Variants in NCBP2L observed in about 807,000 individuals in gnomAD.
NCBP2L encodes the protein nuclear cap binding protein subunit 2 like.
For synonymous variants in NCBP2L, 39 were observed against 19.2 expected, an observed-to-expected ratio of 2.04 and a Z score of -2.70; for missense variants, 95 against 53.1, an observed-to-expected ratio of 1.79 and a Z score of -2.45.
In NCBP2L at chrX:107,794,710, T is replaced by C. The variant is rs772994239; in HGVS notation, c.*28T>C. ...CAATCCATAGAGAAAAAGTTTTAAC[T>C]CTAACCCCTTGAAAAGTGTGTTATA... On this transcript the variant is annotated 3_prime_UTR_variant, in exon 2 of 2. Transcript: ENST00000509000. The C allele has an allele frequency of 3.7e-6, 2 of 541,207 alleles. No individual in the cohort carries two copies. Among genetic ancestry groups the C allele is most frequent in the Non-Finnish European group, 6.8e-6 (2 of 294,406 alleles). 44.6% of individuals were successfully genotyped at this position (541,207 alleles called of 1,213,427 possible). A position where few individuals can be genotyped will look rare whatever the true frequency, so the allele number is the denominator to read the frequency against.
At chrX:107,781,498 A>C (rs1393472212) in intron 1 of NCBP2L, among the ~76,000 whole-genome samples, 24 of 54,231 alleles carry the variant, frequency 4.4e-4, no homozygotes, top group African/African-American at 1.7e-3. Context: ...TTTTTTGTGG[A>C]GATGGGGCTT....
At chrX:107,780,585 G>A (rs778503287) in intron 1 of NCBP2L, among the ~76,000 whole-genome samples, 1 of 107,879 alleles carries the variant, frequency 9.3e-6, no homozygotes, top group South Asian at 4.1e-4. Context: ...TCAGGCCTTG[G>A]ATCTGCACCA....
intron 1 of NCBP2L, among the ~76,000 whole-genome samples, chrX:107,782,194 T>A (rs866920349): frequency 2.5e-4 from 5 of 20,089 alleles, no homozygotes; most frequent in African/African-American, 1.5e-3. Flanking sequence ...TATATATATA[T>A]AAATATATAT....
intron 1 of NCBP2L, among the ~76,000 whole-genome samples, chrX:107,782,367 AAATATATATAT>A (rs1930334967): frequency 2.1e-5 from 1 of 46,956 alleles, no homozygotes; most frequent in Non-Finnish European, 3.1e-5. Context: ...ATATATATAT[AAATATATATAT>A]ATATATACCC....
In NCBP2L at chrX:107,794,128, CT is replaced by C. The variant is rs1294339317; in HGVS notation, c.-72-14del. The stretch of plus-strand genomic sequence containing the variant: ...CTGTTTCCCTCCTTTTGACTTCCCT[CT>C]TTTTTTCAACTCAACTTAGGTTTTC... On this transcript the variant is annotated intron_variant, in intron 1 of 1. Coordinates refer to ENST00000509000, the MANE Select transcript of NCBP2L (RefSeq NM_001348372.2). The C allele has an allele frequency of 2.2e-6, 1 of 460,454 alleles. No individual in the cohort carries two copies. Among genetic ancestry groups the C allele is most frequent in the East Asian group, 3.6e-5 (1 of 28,139 alleles). The allele number at this position is 460,454 out of a possible 1,213,427, so 37.9% of individuals were successfully genotyped here.
chrX:107,794,408 A>G lies in NCBP2L; in HGVS notation c.188A>G (p.Asp63Gly), dbSNP rs141510413. The change falls in exon 2 of 2, where the codon GAT becomes GGT. Residue 63 changes from aspartate to glycine, a missense_variant. Transcript: ENST00000509000. ...EKIHELFSRS[D>G]IRNIFMGLDK... is the part of the protein sequence containing the mutation. ...ATACATGAACTCTTTAGTAGATCTG[A>G]TATCAGGAATATCTTTATGGGCCTG... 428 of 568,933 alleles carry G rather than the reference A, an allele frequency of 7.5e-4. 3 individuals are homozygous for G. The African/African-American group carries it at 8.7e-3, about 12-fold the overall frequency. The allele number at this position is 568,933 out of a possible 1,213,427, so 46.9% of individuals were successfully genotyped here.
Position 107,781,692 on chromosome X carries a change from C to CTCTCTATATA in NCBP2L, c.-73+3835_-73+3836insCTCTATATAT, listed in dbSNP as rs1395038482. ...TATCTATCTATCTCTCTCTCTCTCT[C>CTCTCTATATA]TATATATATATATATATAGATCTAT... On this transcript the variant is annotated intron_variant, in intron 1 of 1. Coordinates refer to ENST00000509000, the MANE Select transcript of NCBP2L (RefSeq NM_001348372.2). Among the ~76,000 whole-genome samples the CTCTCTATATA allele has an allele frequency of 5.5e-4, 37 of 66,913 alleles. 1 individual carries two copies. The highest frequency in any genetic ancestry group is 1.9e-3 in the East Asian group (5 of 2,626). 58.1% of individuals were successfully genotyped at this position (66,913 alleles called of 115,157 possible). A position where few individuals can be genotyped will look rare whatever the true frequency, so the allele number is the denominator to read the frequency against.
chrX:107,781,692 C>CTCTCTCTCTCTCTCTCTCTCTATATATA (rs1395038482), intron 1 of NCBP2L, among the ~76,000 whole-genome samples: 4 of 66,913 alleles, frequency 6.0e-5, no homozygotes, highest in African/African-American at 2.6e-4. Context: ...CTCTCTCTCT[C>CTCTCTCTCTCTCTCTCTCTCTATATATA]TATATATATA....
rs3747406 is a variant in NCBP2L, at chrX:107,777,739, T to C, written c.-192T>C. The C allele has an allele frequency of 0.2, 22,307 of 110,934 alleles. 2,431 individuals are homozygous for C. Among genetic ancestry groups the C allele is most frequent in the African/African-American group, 0.41 (12,562 of 30,304 alleles). The allele number at this position is 110,934 out of a possible 1,213,427, so 9.1% of individuals were successfully genotyped here. ...ATTGTAACTCTTATTCCCAAGGCCC[T>C]GTGGGTCCTATATGTGCCCTGCAAC... On this transcript the variant is annotated 5_prime_UTR_variant, in exon 1 of 2. Coordinates refer to ENST00000509000, the MANE Select transcript of NCBP2L (RefSeq NM_001348372.2).
chrX:107,794,230 G>C lies in NCBP2L; in HGVS notation c.10G>C (p.Asp4His). The C allele has an allele frequency of 3.7e-6, 2 of 539,477 alleles. No homozygotes were observed. Among genetic ancestry groups the C allele is most frequent in the Non-Finnish European group, 6.8e-6 (2 of 295,663 alleles). The allele number at this position is 539,477 out of a possible 1,213,427, so 44.5% of individuals were successfully genotyped here. Residue 4 changes from aspartate (D) to histidine (H), a missense_variant, in exon 2 of 2, where the codon GAC becomes CAC. Physicochemically the swap from Asp to His is moderately conservative, Grantham distance 81. Coordinates refer to ENST00000509000, the MANE Select transcript of NCBP2L (RefSeq NM_001348372.2). MSK[D>H]LKILCKDPAL... ...CTGCCCAACCAGCACCATGTCCAAA[G>C]ACCTGAAAATTCTATGTAAAGACCC... is the stretch of plus-strand genomic sequence containing the variant.
At chrX:107,778,937 G>T (rs1930229105) in intron 1 of NCBP2L, among the ~76,000 whole-genome samples, 1 of 111,425 alleles carries the variant, frequency 9.0e-6, no homozygotes, top group South Asian at 3.8e-4. Context: ...GTGTGTGTAG[G>T]GGGAATAGGG....
intron 1 of NCBP2L, among the ~76,000 whole-genome samples, chrX:107,782,711 G>GT (rs933321821): frequency 1.2e-4 from 12 of 104,282 alleles, no homozygotes; most frequent in Non-Finnish European, 1.2e-4. Flanking sequence ...ATCATGTAGT[G>GT]TTTTTTTTTC....
intron 1 of NCBP2L, among the ~76,000 whole-genome samples, chrX:107,782,368 A>AATATATATATATATAAATAT (rs1930335263): frequency 5.9e-5 from 2 of 33,692 alleles, no homozygotes; most frequent in African/African-American, 1.2e-3. Context: ...TATATATATA[A>AATATATATATATATAAATAT]ATATATATAT....
chrX:107,781,692 C>CTCTCTA (rs1395038482), intron 1 of NCBP2L, among the ~76,000 whole-genome samples: 22 of 66,915 alleles, frequency 3.3e-4, no homozygotes, highest in African/African-American at 1.1e-3. Context: ...CTCTCTCTCT[C>CTCTCTA]TATATATATA....
intron 1 of NCBP2L, among the ~76,000 whole-genome samples, chrX:107,793,453 T>G (rs1930478079): frequency 8.9e-6 from 1 of 111,824 alleles, no homozygotes; most frequent in Non-Finnish European, 1.9e-5. Flanking sequence ...TAAATCGTGT[T>G]TAATGCCTCC....
chrX:107,794,186 G>A lies in NCBP2L; in HGVS notation c.-35G>A, dbSNP rs775835287. On this transcript the variant is annotated 5_prime_UTR_variant, in exon 2 of 2. Transcript: ENST00000509000. Reference sequence around the variant, plus strand: ...GGTGTCACTGCTGCCAAGCTGGACCGAAAACGGCCATCGGCATGCTGCCCA... The same window carrying A: ...GGTGTCACTGCTGCCAAGCTGGACCAAAAACGGCCATCGGCATGCTGCCCA... The A allele has an allele frequency of 2.2e-5, 11 of 495,554 alleles. No individual in the cohort carries two copies. Among genetic ancestry groups the A allele is most frequent in the Middle Eastern group, 7.0e-4 (2 of 2,864 alleles). The allele number at this position is 495,554 out of a possible 1,213,427, so 40.8% of individuals were successfully genotyped here. A position where few individuals can be genotyped will look rare whatever the true frequency, so the allele number is the denominator to read the frequency against.
chrX:107,788,265 G>A (rs1602437717), intron 1 of NCBP2L, among the ~76,000 whole-genome samples: 1 of 111,945 alleles, frequency 8.9e-6, no homozygotes, highest in Non-Finnish European at 1.9e-5. Flanking sequence ...AACACCTTTA[G>A]CAGGTAGGTG....
rs765626412 is a variant in NCBP2L, at chrX:107,793,689, A to T, written c.-72-460A>T. Reference sequence around the variant, plus strand: ...TGTAACCCAACAATACAATATATTGATTCCATGTTATAGACTTGAATTGCA... The same window carrying T: ...TGTAACCCAACAATACAATATATTGTTTCCATGTTATAGACTTGAATTGCA... On this transcript the variant is annotated intron_variant, in intron 1 of 1. Transcript: ENST00000509000. Among the ~76,000 whole-genome samples the T allele has an allele frequency of 4.5e-5, 5 of 112,096 alleles. No individual in the cohort carries two copies. The Admixed American group carries it at 4.7e-4, about 11-fold the overall frequency.
At chrX:107,789,095 A>G (rs965318870) in intron 1 of NCBP2L, among the ~76,000 whole-genome samples, 2 of 108,976 alleles carry the variant, frequency 1.8e-5, no homozygotes, top group Non-Finnish European at 3.8e-5. Flanking sequence ...ATGAAAATCT[A>G]GGTCGTTGGA....
Sources: gnomAD v4.1 joint callset for allele counts (sites outside exome capture counted in the v4.1 genomes callset) on GRCh38, gnomAD v4.1.1 for gene constraint, MANE v1.5 for transcripts, NCBI Gene and HGNC (gene_info 2026-07-23, HGNC 2026-07-21) for gene names.